The following SHANK2 variants were observed in gnomAD, a reference collection of about 807,000 sequenced individuals.
The protein encoded by SHANK2 is SH3 and multiple ankyrin repeat domains protein 2.
In SHANK2, 43 loss-of-function variants were observed where a neutral mutation model predicts 133.7. That is an observed-to-expected ratio of 0.32 (90% CI 0.25 to 0.41). SHANK2 has a LOEUF of 0.41. SHANK2 is among the 10% of genes least tolerant of loss of function. The pLI is 1.00. For synonymous variants in SHANK2, 1,017 were observed against 952.8 expected, an observed-to-expected ratio of 1.07 and a Z score of -1.24; for missense variants, 1,994 against 2,235.8, an observed-to-expected ratio of 0.89 and a Z score of 2.18.
At chr11:70,497,507 C>T (rs1390776447) in intron 21 of SHANK2, among the ~76,000 whole-genome samples, 10 of 152,182 alleles carry the variant, frequency 6.6e-5, no homozygotes, top group Non-Finnish European at 1.5e-4. Flanking sequence ...GAAGATGCCC[C>T]AGCAGTCACC....
At chr11:70,557,482 T>C (rs1374356601) in intron 17 of SHANK2, among the ~76,000 whole-genome samples, 1 of 152,086 alleles carries the variant, frequency 6.6e-6, no homozygotes. Context: ...GGAGCCCAGA[T>C]GGAGTTGGCA....
At chr11:70,643,302 A>G (rs1055600947) in intron 17 of SHANK2, among the ~76,000 whole-genome samples, 2 of 152,130 alleles carry the variant, frequency 1.3e-5, no homozygotes, top group Non-Finnish European at 1.5e-5. Context: ...GGTGGCTCAC[A>G]CCTGTAATCC....
intron 17 of SHANK2, among the ~76,000 whole-genome samples, chr11:70,641,089 CTTT>C (rs2061173156): frequency 4.8e-5 from 7 of 144,628 alleles, no homozygotes; most frequent in Non-Finnish European, 7.6e-5. Context: ...GCTTTTTTTT[CTTT>C]TTTTCTTTTC....
chr11:70,833,266 G>T (rs868963493), intron 11 of SHANK2, among the ~76,000 whole-genome samples: 9 of 150,240 alleles, frequency 6.0e-5, no homozygotes, highest in African/African-American at 2.0e-4. Flanking sequence ...GTGGCTAGAC[G>T]CCCCGACTGG....
At chr11:70,697,504 C>T (rs941313455) in intron 15 of SHANK2, among the ~76,000 whole-genome samples, 6 of 152,160 alleles carry the variant, frequency 3.9e-5, no homozygotes, top group Non-Finnish European at 8.8e-5. Context: ...GGAGTGACTG[C>T]TAATGGGGTG....
intron 2 of SHANK2, 63 bp from the exon 3 acceptor site, chr11:71,147,401 G>A (rs1376118948): frequency 8.7e-6 from 12 of 1,374,012 alleles, no homozygotes; most frequent in Admixed American, 2.2e-5. Flanking sequence ...AAACCCAGGG[G>A]CACGGTGGAC....
intron 17 of SHANK2, among the ~76,000 whole-genome samples, chr11:70,525,232 C>T (rs781944120): frequency 3.3e-5 from 5 of 152,246 alleles, no homozygotes; most frequent in Admixed American, 2.0e-4. Context: ...AACTCTTCTT[C>T]TGGGAAACAC....
intron 11 of SHANK2, among the ~76,000 whole-genome samples, chr11:70,839,084 C>T (rs1280739470): frequency 1.3e-5 from 2 of 152,180 alleles, no homozygotes; most frequent in African/African-American, 4.8e-5. Flanking sequence ...ATGAGCTGCT[C>T]CATCACTATG....
At chr11:70,572,223 G>A (rs996992746) in intron 17 of SHANK2, among the ~76,000 whole-genome samples, 3 of 152,198 alleles carry the variant, frequency 2.0e-5, no homozygotes, top group Admixed American at 6.5e-5. Flanking sequence ...GCAGTGGCAC[G>A]ATCTCGGCTC....
intron 14 of SHANK2, among the ~76,000 whole-genome samples, chr11:70,751,993 A>C (rs1404389282): frequency 1.3e-5 from 2 of 152,264 alleles, no homozygotes; most frequent in African/African-American, 4.8e-5. Context: ...GAAAATAAGA[A>C]ATAAAATGGT....
rs1555149247 is a variant in SHANK2 at position 70,473,324 on chromosome 11, T to C, written c.5095A>G (p.Ser1699Gly). Reference protein sequence around the residue: ...TLQSRPPDYESRTSGTRRAPS... With the variant: ...TLQSRPPDYEGRTSGTRRAPS... The stretch of plus-strand genomic sequence containing the variant: ...GCACGTCTTGTTCCTGAGGTCCTGC[T>C]TTCATAGTCGGGGGGCCGGCTCTGC... The change falls in exon 26 of 26, where the codon AGC (serine) becomes GGC (glycine). Residue 1699 changes from serine (S) to glycine (G), a missense_variant. Physicochemically the swap from Ser to Gly is moderately conservative, Grantham distance 56. This residue lies in a region of SHANK2 where 797 missense variants were observed against 907.4 expected (regional missense o/e 0.88). Coordinates refer to ENST00000601538, the MANE Select transcript of SHANK2 (RefSeq NM_012309.5). The surrounding 1 kb of genome is among the most constrained non-coding windows in gnomAD (Gnocchi z 5.9). The C allele has an allele frequency of 6.2e-7, 1 of 1,613,762 alleles. No homozygotes were observed. Among genetic ancestry groups the C allele is most frequent in the Non-Finnish European group, 8.5e-7 (1 of 1,180,008 alleles).
intron 10 of SHANK2, among the ~76,000 whole-genome samples, chr11:70,901,450 C>T (rs1438981983): frequency 6.6e-6 from 1 of 152,206 alleles, no homozygotes; most frequent in Non-Finnish European, 1.5e-5. Flanking sequence ...AGAACGGACG[C>T]TGCTTTGTCC....
At chr11:70,558,517 T>C (rs2059863122) in intron 17 of SHANK2, among the ~76,000 whole-genome samples, 1 of 152,210 alleles carries the variant, frequency 6.6e-6, no homozygotes, top group Non-Finnish European at 1.5e-5. Flanking sequence ...CAGCTCTCAC[T>C]TGGATGGTCT....
intron 8 of SHANK2, among the ~76,000 whole-genome samples, chr11:71,080,830 G>T (rs1174625686): frequency 6.6e-6 from 1 of 152,156 alleles, no homozygotes; most frequent in Non-Finnish European, 1.5e-5. Context: ...GTTTTCAAAG[G>T]CTGGCTGTGG....
At position 70,577,513 on chromosome 11, in the gene SHANK2, C is replaced by T. The variant is rs889434019; in HGVS notation, c.2062-74582G>A. Among the ~76,000 whole-genome samples, 66 of 152,312 alleles carry T rather than the reference C, an allele frequency of 4.3e-4. 1 individual carries two copies. The highest frequency in any genetic ancestry group is 9.1e-4 in the Admixed American group (14 of 15,310). On this transcript the variant is annotated intron_variant, in intron 17 of 25. Transcript: ENST00000601538. ...TTGCAGAATTGAGCCAGGTAACAGGCGTGGGGTCCTGGCCAGTGACCACCC... is the reference window on the plus strand; with the variant it reads ...TTGCAGAATTGAGCCAGGTAACAGGTGTGGGGTCCTGGCCAGTGACCACCC...
chr11:71,146,446 C>CACA (rs1590956477), intron 3 of SHANK2, among the ~76,000 whole-genome samples: 1 of 124,200 alleles, frequency 8.1e-6, no homozygotes, highest in Non-Finnish European at 1.7e-5. Context: ...TACAGACAGC[C>CACA]CCAGTTCCCA....
intron 17 of SHANK2, among the ~76,000 whole-genome samples, chr11:70,520,968 C>T (rs534759587): frequency 9.2e-5 from 14 of 152,324 alleles, no homozygotes; most frequent in African/African-American, 2.2e-4. Flanking sequence ...TACCTTTTGC[C>T]GTGCTTTCGA....
At chr11:71,109,808 A>C in intron 6 of SHANK2, 133 bp downstream of exon 6, 1 of 681,436 alleles carries the variant, frequency 1.5e-6, no homozygotes, top group Non-Finnish European at 2.6e-6. Flanking sequence ...GGAGAGTGAG[A>C]ATGCACCTTT....
chr11:71,248,215 G>C (rs537369462), intron 1 of SHANK2, among the ~76,000 whole-genome samples: 1 of 152,238 alleles, frequency 6.6e-6, no homozygotes, highest in African/African-American at 2.4e-5. Flanking sequence ...CAGTACTGGC[G>C]CCATGGCCAA....
Sources: allele counts gnomAD v4.1 joint callset (sites outside exome capture counted in the v4.1 genomes callset), GRCh38; gene constraint gnomAD v4.1.1; regional missense constraint gnomAD v4.1.1; non-coding constraint Gnocchi (gnomAD v3.1); transcripts MANE v1.5; gene names NCBI Gene and HGNC (gene_info 2026-07-23, HGNC 2026-07-21).